HOOK2: variants seen among roughly 807,000 people sequenced by gnomAD.
The protein encoded by HOOK2 is hook microtubule tethering protein 2, also known as protein Hook homolog 2.
Under a neutral mutation model 111.9 loss-of-function variants are expected in HOOK2, and 108 were observed. The observed-to-expected ratio is 0.96, with a 90% CI of 0.83 to 1.13. HOOK2 has a LOEUF of 1.13. HOOK2 is among the 50% of genes most tolerant of loss of function. The pLI is 0.00. For missense variants in HOOK2, 978 were observed against 951.3 expected (o/e 1.03, Z -0.37); for synonymous variants, 405 against 394.3 (o/e 1.03, Z -0.32).
chr19:12,768,234 T>A, intron 11 of HOOK2, 111 bp from the exon 12 acceptor site: 1 of 840,882 alleles, frequency 1.2e-6, no homozygotes. Flanking sequence ...TTTTTGACTT[T>A]ACTATGGTGC....
At chr19:12,764,076 G>T (rs570847470) in intron 20 of HOOK2, among the ~76,000 whole-genome samples, 1 of 152,052 alleles carries the variant, frequency 6.6e-6, no homozygotes, top group Non-Finnish European at 1.5e-5. Flanking sequence ...GTGAAGTGGC[G>T]CACTCTCAGC....
intron 11 of HOOK2, 100 bp from the exon 12 acceptor site, chr19:12,768,223 T>G (rs1037701606): frequency 1.0e-6 from 1 of 955,388 alleles, no homozygotes; most frequent in African/African-American, 1.6e-5. Context: ...GACTTATTAT[T>G]TTTTTGACTT....
intron 11 of HOOK2, 125 bp from the exon 12 acceptor site, chr19:12,768,248 C>T: frequency 1.3e-6 from 1 of 746,942 alleles, no homozygotes; most frequent in Non-Finnish European, 2.2e-6. Context: ...ATGGTGCTTT[C>T]AGCTGTGTAT....
chr19:12,763,130 CGCCCT>C lies in HOOK2; in HGVS notation c.*147_*151del. 3 of 521,458 alleles carry C rather than the reference CGCCCT, an allele frequency of 5.8e-6. No individual in the cohort carries two copies. Among genetic ancestry groups the C allele is most frequent in the Non-Finnish European group, 6.8e-6 (2 of 292,406 alleles). 32.3% of individuals were successfully genotyped at this position (521,458 alleles called of 1,614,324 possible). A position where few individuals can be genotyped will look rare whatever the true frequency, so the allele number is the denominator to read the frequency against. On this transcript the variant is annotated 3_prime_UTR_variant, in exon 23 of 23. Coordinates refer to ENST00000397668, the MANE Select transcript of HOOK2 (RefSeq NM_013312.3). Reference sequence around the variant, plus strand: ...AAAGAACAGGCCTATATCTACCTCCCGCCCTCCCTCCCCACCAATCTGGGAGAGGG... The same window carrying C: ...AAAGAACAGGCCTATATCTACCTCCCCCCTCCCCACCAATCTGGGAGAGGG...
At chr19:12,777,868 C>T (rs1287064958), upstream of HOOK2, among the ~76,000 whole-genome samples, 1 of 152,266 alleles carries the variant, frequency 6.6e-6, no homozygotes. Flanking sequence ...AAATTGCAGT[C>T]ACCATGTATG....
chr19:12,775,909 CG>C (rs1319758660), upstream of HOOK2, among the ~76,000 whole-genome samples: 1 of 123,154 alleles, frequency 8.1e-6, no homozygotes, highest in African/African-American at 3.5e-5. Context: ...GACGGAGTCT[CG>C]CTGTCGCCCA....
intron 3 of HOOK2, among the ~76,000 whole-genome samples, chr19:12,773,460 T>G (rs983177929): frequency 6.6e-6 from 1 of 152,010 alleles, no homozygotes; most frequent in Admixed American, 6.6e-5. Context: ...TAGCCCAGGC[T>G]GGTCTCAAGC....
At chr19:12,771,526 G>C (rs755121132) in intron 7 of HOOK2, 49 bp from the exon 8 acceptor site, 27 of 1,507,726 alleles carry the variant, frequency 1.8e-5, no homozygotes, top group Middle Eastern at 1.7e-4. Context: ...GAGAAGGACG[G>C]GGGGAGGGAG....
upstream of HOOK2, among the ~76,000 whole-genome samples, chr19:12,777,111 C>T (rs180965429): frequency 2.0e-5 from 3 of 150,592 alleles, no homozygotes; most frequent in African/African-American, 4.9e-5. Context: ...GAGCCGAGAT[C>T]GCGCCACTGC....
Position 12,775,494 on chromosome 19 carries a change from C to T in HOOK2, c.-45G>A. 2 of 1,588,640 alleles carry T rather than the reference C, an allele frequency of 1.3e-6. No homozygotes were observed. Among genetic ancestry groups the T allele is most frequent in the Non-Finnish European group, 1.7e-6 (2 of 1,170,210 alleles). On this transcript the variant is annotated 5_prime_UTR_variant, in exon 1 of 23. Coordinates refer to ENST00000397668, the MANE Select transcript of HOOK2 (RefSeq NM_013312.3). ...TCCAGGCCACGGAGCCCCGGCGCCG[C>T]AGCAGCCTCCGGGTCCGCCACCAGC...
chr19:12,791,515 G>C lies in HOOK2; in HGVS notation n.42-17290C>G, dbSNP rs1352310851. 9.2e-6 allele frequency: 4 copies of C among 433,820 alleles called. No individual in the cohort carries two copies. Among genetic ancestry groups the C allele is most frequent in the Non-Finnish European group, 1.6e-5 (4 of 244,542 alleles). 26.9% of individuals were successfully genotyped at this position (433,820 alleles called of 1,614,324 possible). On this transcript the variant is annotated intron_variant and non_coding_transcript_variant, in intron 3 of 3. Coordinates refer to the HOOK2 transcript ENST00000589765. This position sits in a 1 kb window ranked among gnomAD's most constrained non-coding sequence, Gnocchi z 7.0. The stretch of plus-strand genomic sequence containing the variant: ...CCTTGAGAGCGGCCAGGCCAGCCTC[G>C]GAGCCAGCAGGGAGCTGGGAGCTGG...
In HOOK2 at chr19:12,789,115, T is replaced by C. The variant is rs567395531; in HGVS notation, n.42-14890A>G. Reference sequence around the variant, plus strand: ...TTTAACCCCTATCCCTTAGCCTCTTTCTACCCTAAAGAAGAGAGAGGCTCT... The same window carrying C: ...TTTAACCCCTATCCCTTAGCCTCTTCCTACCCTAAAGAAGAGAGAGGCTCT... On this transcript the variant is annotated intron_variant and non_coding_transcript_variant, in intron 3 of 3. Coordinates refer to the HOOK2 transcript ENST00000589765. Among the ~76,000 whole-genome samples the C allele has an allele frequency of 9.2e-5, 14 of 152,206 alleles. No homozygotes were observed. The South Asian group carries it at 2.9e-3, about 32-fold the overall frequency.
At position 12,769,954 on chromosome 19, in the gene HOOK2, C is replaced by T; in HGVS notation, c.1031G>A (p.Arg344His). 2 of 1,556,712 alleles carry T rather than the reference C, an allele frequency of 1.3e-6. No homozygotes were observed. The highest frequency in any genetic ancestry group is 8.6e-7 in the Non-Finnish European group (1 of 1,158,246). Reference protein sequence around the residue: ...LEERNAGHAERTRQLEDELRR... With the variant: ...LEERNAGHAEHTRQLEDELRR... The stretch of plus-strand genomic sequence containing the variant: ...TAGCTCATCCTCCAGTTGTCGCGTG[C>T]GCTCGGCGTGGCCGGCGTTGCGTTC... Residue 344 changes from arginine to histidine, a missense_variant, in exon 11 of 23, where the codon CGC (arginine) becomes CAC (histidine). By Grantham distance (29) the Arg-to-His change is conservative. Transcript: ENST00000397668.
intron 14 of HOOK2, 108 bp downstream of exon 14, chr19:12,767,287 T>TGA: frequency 1.1e-6 from 1 of 919,150 alleles, no homozygotes; most frequent in Admixed American, 2.0e-5. Context: ...CACCTGGAGC[T>TGA]GAGACCAAGC....
chr19:12,767,365 G>A, intron 14 of HOOK2, 30 bp downstream of exon 14: 1 of 1,598,906 alleles, frequency 6.3e-7, no homozygotes, highest in South Asian at 1.1e-5. Flanking sequence ...AGCCTGGGTG[G>A]GGCCAGAGTT....
intron 13 of HOOK2, 42 bp from the exon 14 acceptor site, chr19:12,767,506 C>T: frequency 6.7e-7 from 1 of 1,497,810 alleles, no homozygotes; most frequent in Non-Finnish European, 9.3e-7. Flanking sequence ...TTCGCATCCC[C>T]TGTCCCCGCC....
At chr19:12,784,246 C>T (rs1968635506) in intron 3 of HOOK2, among the ~76,000 whole-genome samples, 1 of 152,134 alleles carries the variant, frequency 6.6e-6, no homozygotes, top group Non-Finnish European at 1.5e-5. Context: ...TAGGAATGTA[C>T]ACACAGTCAC....
At chr19:12,788,825 C>G (rs1321259024) in intron 3 of HOOK2, among the ~76,000 whole-genome samples, 1 of 152,164 alleles carries the variant, frequency 6.6e-6, no homozygotes, top group African/African-American at 2.4e-5. Context: ...GCCTGCCAGA[C>G]TCACAGGCCT....
At chr19:12,787,363 GA>G (rs1291575595) in intron 3 of HOOK2, among the ~76,000 whole-genome samples, 4 of 152,102 alleles carry the variant, frequency 2.6e-5, no homozygotes, top group African/African-American at 9.7e-5. Context: ...GGGCGAGGTA[GA>G]TCATGCCTGT....
Sources: gnomAD v4.1 joint callset for allele counts (sites outside exome capture counted in the v4.1 genomes callset) on GRCh38, gnomAD v4.1.1 for gene constraint, Gnocchi (gnomAD v3.1) non-coding constraint, MANE v1.5 for transcripts, NCBI Gene and HGNC (gene_info 2026-07-23, HGNC 2026-07-21) for gene names.